The following EXOC1 variants were observed in gnomAD, a reference collection of about 807,000 sequenced individuals.
The protein encoded by EXOC1 is exocyst complex component 1, also known as SEC3-like 1.
In EXOC1, 67 loss-of-function variants were observed where a neutral mutation model predicts 107.7. The ratio of observed to expected loss-of-function variants is 0.62; its 90% confidence interval spans 0.51 to 0.76. The LOEUF (loss-of-function observed/expected upper bound fraction) is 0.76. Ranked by LOEUF, EXOC1 falls within the 30% of genes least tolerant of loss-of-function variation. EXOC1 has a pLI of 0.00. For missense variants in EXOC1, 833 were observed against 1,055.7 expected (o/e 0.79, Z 2.92); for synonymous variants, 348 against 353.5 (o/e 0.98, Z 0.17).
intron 16 of EXOC1, 65 bp downstream of exon 16, chr4:55,896,965 A>G: frequency 7.3e-7 from 1 of 1,365,068 alleles, no homozygotes; most frequent in Non-Finnish European, 1.0e-6. Context: ...TAACTAAGAA[A>G]TCGGGAGCAG....
At chr4:55,894,691 C>T (rs1356491052) in intron 15 of EXOC1, among the ~76,000 whole-genome samples, 2 of 135,904 alleles carry the variant, frequency 1.5e-5, no homozygotes, top group African/African-American at 2.8e-5. Context: ...AGTGCAATCT[C>T]GGCTCACCGC....
intron 12 of EXOC1, among the ~76,000 whole-genome samples, chr4:55,890,830 A>G (rs2109455173): frequency 6.6e-6 from 1 of 152,306 alleles, no homozygotes; most frequent in South Asian, 2.1e-4. Flanking sequence ...TCTGGGTTCA[A>G]GCAGTTCTTC....
At chr4:55,897,205 C>T (rs1293896298) in intron 16 of EXOC1, among the ~76,000 whole-genome samples, 1 of 151,402 alleles carries the variant, frequency 6.6e-6, no homozygotes, top group East Asian at 1.9e-4. Context: ...TGGCTCACTG[C>T]AACCTCCACC....
chr4:55,892,800 C>T (rs1017074230), intron 14 of EXOC1, 89 bp downstream of exon 14: 3 of 1,254,108 alleles, frequency 2.4e-6, no homozygotes, highest in Non-Finnish European at 3.5e-6. Context: ...AGATGTTTCT[C>T]AGTAGCCTGA....
intron 5 of EXOC1, among the ~76,000 whole-genome samples, chr4:55,869,781 C>T (rs1722264556): frequency 6.6e-6 from 1 of 152,312 alleles, no homozygotes; most frequent in African/African-American, 2.4e-5. Context: ...ATGTAAATAA[C>T]GTGTGAAACC....
chr4:55,904,700 A>G lies in EXOC1; in HGVS notation c.*205A>G. 2.4e-6 allele frequency: 1 copy of G among 408,274 alleles called. No homozygotes were observed. 25.3% of individuals were successfully genotyped at this position (408,274 alleles called of 1,614,324 possible). On this transcript the variant is annotated 3_prime_UTR_variant, in exon 19 of 19. Coordinates refer to ENST00000381295, the MANE Select transcript of EXOC1 (RefSeq NM_001024924.2). ...CAGTTTTATTTGCCCTATAGGTTGC[A>G]TACTAACTTAAGCATTCATGTCACC...
At chr4:55,869,874 G>T (rs138033035) in intron 5 of EXOC1, among the ~76,000 whole-genome samples, 1 of 152,066 alleles carries the variant, frequency 6.6e-6, no homozygotes, top group African/African-American at 2.4e-5. Flanking sequence ...TCTTAATATG[G>T]CTTAGTGATT....
Position 55,891,312 on chromosome 4 carries a change from C to G in EXOC1, c.1540-3C>G, listed in dbSNP as rs1724515600. On this transcript the variant is annotated splice_polypyrimidine_tract_variant and splice_region_variant and intron_variant, in intron 12 of 18. Transcript: ENST00000381295. ...GTTATAGGATCACTTTGGTTTTCTT[C>G]AGATCTTTGAACAGGTACTAAGTGA... 6.2e-7 allele frequency: 1 copy of G among 1,606,550 alleles called. No individual in the cohort carries two copies. The highest frequency in any genetic ancestry group is 8.5e-7 in the Non-Finnish European group (1 of 1,173,504).
In EXOC1 at chr4:55,904,570, CTG is replaced by C. The variant is rs1450811675; in HGVS notation, c.*77_*78del. 1 of 1,426,110 alleles carries C rather than the reference CTG, an allele frequency of 7.0e-7. No homozygotes were observed. The highest frequency in any genetic ancestry group is 9.4e-7 in the Non-Finnish European group (1 of 1,068,898). The allele number at this position is 1,426,110 out of a possible 1,614,324, so 88.3% of individuals were successfully genotyped here. On this transcript the variant is annotated 3_prime_UTR_variant, in exon 19 of 19. Transcript: ENST00000381295. ...GACACTATACCAAAATACCAAGCAA[CTG>C]TTTTGAGAACCCAGACTTAAAATTT... is the stretch of plus-strand genomic sequence containing the variant.
chr4:55,888,947 T>A lies in EXOC1; in HGVS notation c.1375+15T>A. 1 of 1,612,838 alleles carries A rather than the reference T, an allele frequency of 6.2e-7. No individual in the cohort carries two copies. Among genetic ancestry groups the A allele is most frequent in the Non-Finnish European group, 8.5e-7 (1 of 1,179,014 alleles). ...GGAAACAGAGAGTGAGTATGCTTAGTGTATTAGTAGGTATTCTCAATGCAT... is the reference window on the plus strand; with the variant it reads ...GGAAACAGAGAGTGAGTATGCTTAGAGTATTAGTAGGTATTCTCAATGCAT... On this transcript the variant is annotated intron_variant, in intron 11 of 18. Transcript: ENST00000381295.
At chr4:55,869,519 A>G (rs1722241209) in intron 5 of EXOC1, among the ~76,000 whole-genome samples, 1 of 152,234 alleles carries the variant, frequency 6.6e-6, no homozygotes, top group Non-Finnish European at 1.5e-5. Context: ...CTTAAATTTT[A>G]GTGTTGTATA....
intron 15 of EXOC1, among the ~76,000 whole-genome samples, chr4:55,896,035 G>A (rs1452866449): frequency 6.6e-6 from 1 of 152,132 alleles, no homozygotes; most frequent in East Asian, 1.9e-4. Context: ...CTTCTCTCCT[G>A]TAACCTAAAA....
intron 16 of EXOC1, 118 bp from the exon 17 acceptor site, chr4:55,899,567 C>T: frequency 1.2e-6 from 1 of 860,730 alleles, no homozygotes; most frequent in Non-Finnish European, 1.8e-6. Flanking sequence ...TGTATTAAGT[C>T]CAGAAATGTG....
In EXOC1 at chr4:55,860,463, T is replaced by A; in HGVS notation, c.177T>A (p.Asp59Glu). 6.2e-7 allele frequency: 1 copy of A among 1,613,990 alleles called. No individual in the cohort carries two copies. The highest frequency in any genetic ancestry group is 2.2e-5 in the East Asian group (1 of 44,854). Residue 59 changes from aspartate to glutamate, a missense_variant, in exon 3 of 19, where the codon GAT (aspartate) becomes GAA (glutamate). Physicochemically the swap from Asp to Glu is conservative, Grantham distance 45. This residue lies in a region of EXOC1 where 617 missense variants were observed against 701.3 expected (regional missense o/e 0.88). Transcript: ENST00000381295. ...AGGTGGTCAAAGTCAAGAAATCCGA[T>A]AAGGGAGATTTCTACAAAAGGCAGA... ...QVKVVKVKKS[D>E]KGDFYKRQIA... is the part of the protein sequence containing the mutation.
intron 4 of EXOC1, chr4:55,866,878 C>T: frequency 1.0e-6 from 1 of 985,292 alleles, no homozygotes; most frequent in Non-Finnish European, 1.2e-6. Flanking sequence ...CCAGAACTGC[C>T]TAAAGTTACA....
At chr4:55,890,081 A>G (rs1724339365) in intron 11 of EXOC1, 142 bp from the exon 12 acceptor site, 2 of 709,676 alleles carry the variant, frequency 2.8e-6, no homozygotes, top group African/African-American at 3.6e-5. Flanking sequence ...TATACCACCT[A>G]TCCCTTATAG....
chr4:55,861,553 C>A (rs1432418096), intron 3 of EXOC1, among the ~76,000 whole-genome samples: 1 of 152,148 alleles, frequency 6.6e-6, no homozygotes, highest in East Asian at 1.9e-4. Flanking sequence ...GAAGTAAGAA[C>A]AATTTGAGGA....
chr4:55,886,140 C>T (rs949198206), intron 10 of EXOC1, among the ~76,000 whole-genome samples: 2 of 152,162 alleles, frequency 1.3e-5, no homozygotes, highest in Non-Finnish European at 2.9e-5. Flanking sequence ...TTTTGCCCAA[C>T]TCTAGGCTAA....
chr4:55,854,771 CGTT>C (rs1367627726), intron 1 of EXOC1, among the ~76,000 whole-genome samples: 1 of 152,182 alleles, frequency 6.6e-6, no homozygotes, highest in East Asian at 1.9e-4. Context: ...ATGTGGTAAA[CGTT>C]GGTCCCTATT....
Sources: gnomAD v4.1 joint callset for allele counts (sites outside exome capture counted in the v4.1 genomes callset) on GRCh38, gnomAD v4.1.1 for gene constraint, gnomAD v4.1.1 regional missense constraint, MANE v1.5 for transcripts, NCBI Gene and HGNC (gene_info 2026-07-23, HGNC 2026-07-21) for gene names.